KCND3: variants seen among roughly 807,000 people sequenced by gnomAD.
KCND3 encodes potassium voltage-gated channel subfamily D member 3.
A neutral mutation model predicts 51.1 loss-of-function variants in KCND3; 9 were observed. The ratio of observed to expected loss-of-function variants is 0.18; its 90% CI spans 0.11 to 0.31. The LOEUF is 0.31. Among genes scored for constraint, KCND3 ranks in the 10% least tolerant of loss-of-function variants. KCND3 has a pLI of 1.00. For missense variants in KCND3, 526 were observed against 903.8 expected, an observed-to-expected ratio of 0.58 and a Z score of 5.36; for synonymous variants, 349 against 368.0, an observed-to-expected ratio of 0.95 and a Z score of 0.59.
chr1:111,793,815 G>GCAGAAA (rs1310592154), intron 2 of KCND3, among the ~76,000 whole-genome samples: 1 of 151,986 alleles, frequency 6.6e-6, no homozygotes, highest in Non-Finnish European at 1.5e-5. Context: ...AAAAGAAAAA[G>GCAGAAA]CAGAAACAGT....
chr1:111,791,231 C>T (rs1454464678), intron 2 of KCND3, among the ~76,000 whole-genome samples: 1 of 152,144 alleles, frequency 6.6e-6, no homozygotes, highest in Non-Finnish European at 1.5e-5. Context: ...TATAGCTATC[C>T]TGGTGGGTGT....
At chr1:111,908,562 T>C (rs971334404) in intron 2 of KCND3, among the ~76,000 whole-genome samples, 1 of 152,186 alleles carries the variant, frequency 6.6e-6, no homozygotes, top group East Asian at 1.9e-4. Flanking sequence ...GTTAGGTCTT[T>C]GGACTGGAGT....
At chr1:111,799,928 C>T (rs189863740) in intron 2 of KCND3, among the ~76,000 whole-genome samples, 4 of 150,682 alleles carry the variant, frequency 2.7e-5, no homozygotes, top group Non-Finnish European at 2.9e-5. Flanking sequence ...GAAAATTGGG[C>T]CCCCCCGCCT....
At position 111,777,417 on chromosome 1, in the gene KCND3, G is replaced by A. The variant is rs1664177292; in HGVS notation, c.1519-144C>T. On this transcript the variant is annotated intron_variant, in intron 6 of 7. Transcript: ENST00000302127. ...GCCCGGATCACAGATAAGCATTCAG[G>A]AGGGGTGATGTCCCATGGGCATCCA... 6 of 847,848 alleles carry A rather than the reference G, an allele frequency of 7.1e-6. No homozygotes were observed. The South Asian group carries it at 8.3e-5, about 12-fold the overall frequency. 52.5% of individuals were successfully genotyped at this position (847,848 alleles called of 1,614,324 possible).
chr1:111,919,800 G>A (rs1321445546), intron 2 of KCND3, among the ~76,000 whole-genome samples: 1 of 152,202 alleles, frequency 6.6e-6, no homozygotes, highest in Non-Finnish European at 1.5e-5. Context: ...CTGGAACCCA[G>A]TCCCTCCTGA....
At chr1:111,989,380 C>A (rs977845941) in intron 1 of KCND3, among the ~76,000 whole-genome samples, 125 bp downstream of exon 1, 2 of 152,110 alleles carry the variant, frequency 1.3e-5, no homozygotes, top group Admixed American at 1.3e-4. Context: ...CCTTCCGGCG[C>A]CCCAGCGCCC....
intron 2 of KCND3, among the ~76,000 whole-genome samples, chr1:111,962,062 G>A (rs1424800153): frequency 2.6e-5 from 4 of 152,190 alleles, no homozygotes; most frequent in Non-Finnish European, 4.4e-5. Flanking sequence ...ATGAGGGCAG[G>A]AGAGCTCATC....
chr1:111,968,454 T>C (rs1674133419), intron 2 of KCND3, among the ~76,000 whole-genome samples: 1 of 152,170 alleles, frequency 6.6e-6, no homozygotes, highest in Non-Finnish European at 1.5e-5. Context: ...GGCCAACAGC[T>C]ACAACGTCAG....
intron 2 of KCND3, among the ~76,000 whole-genome samples, chr1:111,940,091 T>TTTTTTTTTTTTTTTTTC: frequency 6.9e-6 from 1 of 144,868 alleles, no homozygotes; most frequent in Non-Finnish European, 1.5e-5. Flanking sequence ...TTTTTTTTTT[T>TTTTTTTTTTTTTTTTTC]TTTTTGTAAG....
intron 2 of KCND3, among the ~76,000 whole-genome samples, chr1:111,957,506 CA>C (rs775547410): frequency 6.6e-6 from 1 of 151,876 alleles, no homozygotes; most frequent in Non-Finnish European, 1.5e-5. Context: ...GTAGGTGAAA[CA>C]AAATGACCTT....
At chr1:111,866,186 T>A (rs1196993898) in intron 2 of KCND3, among the ~76,000 whole-genome samples, 2 of 152,030 alleles carry the variant, frequency 1.3e-5, no homozygotes, top group Non-Finnish European at 2.9e-5. Context: ...TTTCTAGGTT[T>A]GTTTCATTGA....
At chr1:111,968,984 A>G (rs1674176171) in intron 2 of KCND3, among the ~76,000 whole-genome samples, 1 of 152,192 alleles carries the variant, frequency 6.6e-6, no homozygotes, top group Non-Finnish European at 1.5e-5. Context: ...ATATTTACAT[A>G]GTATGCATAT....
intron 2 of KCND3, among the ~76,000 whole-genome samples, chr1:111,799,232 G>A (rs556447034): frequency 7.9e-5 from 12 of 152,122 alleles, no homozygotes; most frequent in Admixed American, 2.6e-4. Context: ...GCAACCAAGA[G>A]TGAGTCAACC....
chr1:111,781,245 A>G (rs551883959), intron 3 of KCND3, among the ~76,000 whole-genome samples: 1 of 152,344 alleles, frequency 6.6e-6, no homozygotes, highest in South Asian at 2.1e-4. Flanking sequence ...TTAGTTAATT[A>G]TGAGAAAAGC....
chr1:111,924,392 G>A (rs10494143), intron 2 of KCND3, among the ~76,000 whole-genome samples: 10,183 of 152,322 alleles, frequency 0.067, 422 homozygotes, highest in Non-Finnish European at 0.098. Context: ...GAACACTGTT[G>A]AGAGAAGCAG....
intron 2 of KCND3, among the ~76,000 whole-genome samples, chr1:111,845,536 C>T (rs975688142): frequency 1.3e-5 from 2 of 152,140 alleles, no homozygotes; most frequent in African/African-American, 4.8e-5. Flanking sequence ...CCCTCCCGCC[C>T]CCAATACCCC....
Position 111,776,150 on chromosome 1 carries a change from G to A in KCND3, c.1895C>T (p.Pro632Leu), listed in dbSNP as rs1261735013. The part of the protein sequence containing the change: ...ALTPEGESRP[P>L]PASPGPNTNI... Reference sequence around the variant, plus strand: ...CGTGTTGGGGCCTGGGCTGGCAGGGGGTGGCCGACTTTCCCCCTCTGGGGT... The same window carrying A: ...CGTGTTGGGGCCTGGGCTGGCAGGGAGTGGCCGACTTTCCCCCTCTGGGGT... Residue 632 changes from proline (P) to leucine (L), a missense_variant, in exon 8 of 8, where the codon CCC (proline) becomes CTC (leucine). Pro to Leu is a moderately conservative substitution (Grantham distance 98). Around this residue, in one of 5 missense-constraint regions of KCND3, gnomAD observed 266 missense variants for 305.5 expected, o/e 0.87. Coordinates refer to ENST00000302127, the MANE Select transcript of KCND3 (RefSeq NM_001378969.1). The A allele has an allele frequency of 6.2e-7, 1 of 1,614,230 alleles. No homozygotes were observed. The highest frequency in any genetic ancestry group is 1.1e-5 in the South Asian group (1 of 91,084).
intron 2 of KCND3, among the ~76,000 whole-genome samples, chr1:111,837,403 A>G (rs1337068998): frequency 6.6e-6 from 1 of 152,248 alleles, no homozygotes; most frequent in Non-Finnish European, 1.5e-5. Flanking sequence ...ATTTTTGAGT[A>G]GTTATTATGT....
intron 2 of KCND3, among the ~76,000 whole-genome samples, chr1:111,833,077 A>C (rs1254046056): frequency 6.6e-6 from 1 of 152,228 alleles, no homozygotes; most frequent in Non-Finnish European, 1.5e-5. Flanking sequence ...ATCTGCATTC[A>C]CTTGTTTTTA....
Sources: allele counts gnomAD v4.1 joint callset (sites outside exome capture counted in the v4.1 genomes callset), GRCh38; gene constraint gnomAD v4.1.1; regional missense constraint gnomAD v4.1.1; transcripts MANE v1.5; gene names NCBI Gene and HGNC (gene_info 2026-07-23, HGNC 2026-07-21).